Variants in SLC24A3 observed in about 807,000 individuals in gnomAD.
SLC24A3 encodes solute carrier family 24 member 3, also known as sodium/potassium/calcium exchanger 3.
Under a neutral mutation model 75.8 loss-of-function variants are expected in SLC24A3, and 28 were observed. That is an observed-to-expected ratio of 0.37 (90% CI 0.27 to 0.51). The LOEUF is 0.51. SLC24A3 is among the 20% of genes least tolerant of loss of function. The pLI is 0.94. For synonymous variants in SLC24A3, 372 were observed against 334.1 expected, an observed-to-expected ratio of 1.11 and a Z score of -1.24; for missense variants, 663 against 847.8, an observed-to-expected ratio of 0.78 and a Z score of 2.71.
At chr20:19,586,101 A>G (rs935262223) in intron 6 of SLC24A3, among the ~76,000 whole-genome samples, 1 of 152,246 alleles carries the variant, frequency 6.6e-6, no homozygotes, top group South Asian at 2.1e-4. Context: ...AGTTGATGCC[A>G]CTTCCAGGTG....
chr20:19,213,674 G>A (rs1600377107), intron 1 of SLC24A3, among the ~76,000 whole-genome samples: 1 of 152,194 alleles, frequency 6.6e-6, no homozygotes, highest in African/African-American at 2.4e-5. Context: ...CACACTGTCC[G>A]CTCCTCTACC....
intron 1 of SLC24A3, among the ~76,000 whole-genome samples, chr20:19,226,942 C>G (rs1981885567): frequency 6.6e-6 from 1 of 152,112 alleles, no homozygotes; most frequent in South Asian, 2.1e-4. Context: ...GATGACTGTT[C>G]TTGTCAGAAG....
chr20:19,580,678 C>T (rs761736973), intron 4 of SLC24A3, among the ~76,000 whole-genome samples: 1 of 152,204 alleles, frequency 6.6e-6, no homozygotes, highest in Non-Finnish European at 1.5e-5. Context: ...AGATCTAGAA[C>T]TCTTTCATTC....
At chr20:19,360,270 TC>T (rs1985762584) in intron 2 of SLC24A3, among the ~76,000 whole-genome samples, 1 of 152,216 alleles carries the variant, frequency 6.6e-6, no homozygotes, top group Admixed American at 6.5e-5. Flanking sequence ...AGTCAACTGA[TC>T]CTGTCGATGT....
At chr20:19,633,700 C>G (rs370963432) in intron 6 of SLC24A3, among the ~76,000 whole-genome samples, 5 of 150,782 alleles carry the variant, frequency 3.3e-5, no homozygotes, top group African/African-American at 1.2e-4. Context: ...TTAGGGTCCA[C>G]CTAATGACCT....
intron 2 of SLC24A3, among the ~76,000 whole-genome samples, chr20:19,429,459 A>G (rs1987065047): frequency 2.0e-5 from 3 of 152,216 alleles, no homozygotes. Flanking sequence ...GTGTGAGTAA[A>G]TGCAGAGGTA....
chr20:19,607,836 C>T lies in SLC24A3; in HGVS notation c.612+22292C>T, dbSNP rs138326326. ...AAGGCTTCCTGAGCCTCCACTCTGA[C>T]GTTGCCTCTTGCCTGAAAGGCCCCC... On this transcript the variant is annotated intron_variant, in intron 6 of 16. Transcript: ENST00000328041. Among the ~76,000 whole-genome samples, 68 of 152,362 alleles carry T rather than the reference C, an allele frequency of 4.5e-4. 1 individual carries two copies. In the East Asian group the frequency reaches 7.1e-3, roughly 16 times the overall value.
At position 19,624,108 on chromosome 20, in the gene SLC24A3, T is replaced by C. The variant is rs1484818180; in HGVS notation, c.613-29954T>C. 3.3e-5 allele frequency among the ~76,000 whole-genome samples: 5 copies of C among 152,360 alleles called. No homozygotes were observed. The East Asian group carries it at 5.8e-4, about 18-fold the overall frequency. ...ATTACTATACTTTGCTTCAAGAACT[T>C]ACTTGCTTTGTCTGGGTACTTCTAA... On this transcript the variant is annotated intron_variant, in intron 6 of 16. Coordinates refer to ENST00000328041, the MANE Select transcript of SLC24A3 (RefSeq NM_020689.4).
intron 3 of SLC24A3, among the ~76,000 whole-genome samples, chr20:19,533,307 G>C (rs368282498): frequency 6.6e-6 from 1 of 152,160 alleles, no homozygotes; most frequent in East Asian, 1.9e-4. Context: ...AATGGTTTAC[G>C]CAGAAGCTTG....
intron 2 of SLC24A3, among the ~76,000 whole-genome samples, chr20:19,288,544 A>G (rs1983866000): frequency 6.6e-6 from 1 of 152,248 alleles, no homozygotes; most frequent in South Asian, 2.1e-4. Context: ...ATCTATTTGT[A>G]AAGTCCTTTA....
At chr20:19,252,228 C>T (rs1208672961) in intron 1 of SLC24A3, among the ~76,000 whole-genome samples, 3 of 152,202 alleles carry the variant, frequency 2.0e-5, no homozygotes, top group Non-Finnish European at 4.4e-5. Flanking sequence ...AATGTTACCC[C>T]AGACAACCGT....
Position 19,713,826 on chromosome 20 carries a change from C to A in SLC24A3, c.1720-3702C>A, listed in dbSNP as rs553225035. 9.8e-4 allele frequency among the ~76,000 whole-genome samples: 150 copies of A among 152,290 alleles called. 1 individual carries two copies. The highest frequency in any genetic ancestry group is 3.5e-3 in the African/African-American group (147 of 41,550). ...GGAACTGTATTATCCCCATTTTACA[C>A]TTTGAAAAACTGAGGCTTAGAGAAG... On this transcript the variant is annotated intron_variant, in intron 15 of 16. Transcript: ENST00000328041.
chr20:19,404,975 A>C (rs578075273), intron 2 of SLC24A3, among the ~76,000 whole-genome samples: 30 of 152,246 alleles, frequency 2.0e-4, no homozygotes, highest in African/African-American at 7.2e-4. Context: ...TAGGACAGAG[A>C]GAGCAGACAG....
At chr20:19,411,726 G>A (rs545592489) in intron 2 of SLC24A3, among the ~76,000 whole-genome samples, 20 of 152,318 alleles carry the variant, frequency 1.3e-4, no homozygotes, top group African/African-American at 4.8e-4. Flanking sequence ...AATAATTGTA[G>A]GTTATGCTTT....
At chr20:19,343,069 C>CCAA (rs1985307108) in intron 2 of SLC24A3, among the ~76,000 whole-genome samples, 1 of 73,768 alleles carries the variant, frequency 1.4e-5, no homozygotes, top group African/African-American at 6.9e-5. Context: ...GACTCCATCT[C>CCAA]AAAAAAAAAA....
intron 3 of SLC24A3, among the ~76,000 whole-genome samples, chr20:19,535,912 G>A (rs1276376248): frequency 6.6e-6 from 1 of 152,176 alleles, no homozygotes; most frequent in Non-Finnish European, 1.5e-5. Context: ...TTCTTGCTGT[G>A]TCATCCCATG....
At chr20:19,518,643 T>C (rs2030042379) in intron 3 of SLC24A3, among the ~76,000 whole-genome samples, 1 of 152,186 alleles carries the variant, frequency 6.6e-6, no homozygotes, top group African/African-American at 2.4e-5. Flanking sequence ...AATATGAGCG[T>C]GGAGAGACTG....
At chr20:19,483,905 G>T (rs982756020) in intron 2 of SLC24A3, among the ~76,000 whole-genome samples, 1 of 152,126 alleles carries the variant, frequency 6.6e-6, no homozygotes, top group Non-Finnish European at 1.5e-5. Flanking sequence ...ACTGAGGTCT[G>T]GCTGGTGTTT....
chr20:19,695,119 A>C (rs955086134), intron 13 of SLC24A3, among the ~76,000 whole-genome samples: 1 of 152,174 alleles, frequency 6.6e-6, no homozygotes, highest in Non-Finnish European at 1.5e-5. Flanking sequence ...AATGAGCTGC[A>C]TTCTCTGTCT....
Sources: allele counts gnomAD v4.1 joint callset (sites outside exome capture counted in the v4.1 genomes callset), GRCh38; gene constraint gnomAD v4.1.1; transcripts MANE v1.5; gene names NCBI Gene and HGNC (gene_info 2026-07-23, HGNC 2026-07-21).